Variants in PTPRG observed in about 807,000 individuals in gnomAD.
PTPRG encodes receptor-type tyrosine-protein phosphatase gamma.
In PTPRG, 102 loss-of-function variants were observed where a neutral mutation model predicts 165.3. The ratio of observed to expected loss-of-function variants is 0.62; its 90% CI spans 0.53 to 0.73. The LOEUF (loss-of-function observed/expected upper bound fraction) is 0.73. PTPRG is among the 30% of genes least tolerant of loss of function. The probability of loss-of-function intolerance (pLI) is 0.00; values close to 1 mark genes in which losing one functional copy is unlikely to be tolerated. For missense variants in PTPRG, 1,866 were observed against 1,861.4 expected, an observed-to-expected ratio of 1.00 and a Z score of -0.05; for synonymous variants, 675 against 669.5, an observed-to-expected ratio of 1.01 and a Z score of -0.13.
At chr3:61,736,208 ATT>A (rs527807808) in intron 1 of PTPRG, among the ~76,000 whole-genome samples, 2 of 141,758 alleles carry the variant, frequency 1.4e-5, no homozygotes, top group African/African-American at 2.6e-5. Context: ...GCACCCGGCC[ATT>A]TTTTTTTTTT....
At chr3:61,705,211 T>C (rs2031185316) in intron 1 of PTPRG, among the ~76,000 whole-genome samples, 1 of 152,108 alleles carries the variant, frequency 6.6e-6, no homozygotes, top group Admixed American at 6.5e-5. Context: ...GAGTTGAAAT[T>C]AAGTTAGTGA....
At chr3:62,013,424 G>A (rs1193494180) in intron 4 of PTPRG, among the ~76,000 whole-genome samples, 1 of 151,976 alleles carries the variant, frequency 6.6e-6, no homozygotes, top group Non-Finnish European at 1.5e-5. Flanking sequence ...TTCCAACGGC[G>A]GCAACAAAAA....
chr3:61,843,786 A>G (rs1487903654), intron 2 of PTPRG, among the ~76,000 whole-genome samples: 1 of 151,972 alleles, frequency 6.6e-6, no homozygotes, highest in East Asian at 1.9e-4. Context: ...AGTTGATGTC[A>G]GCACCAGCAG....
chr3:61,740,579 A>G (rs1010201048), intron 1 of PTPRG, among the ~76,000 whole-genome samples: 2 of 151,976 alleles, frequency 1.3e-5, no homozygotes, highest in Non-Finnish European at 2.9e-5. Flanking sequence ...AACTGACACT[A>G]TTTAAGAGTA....
In PTPRG at chr3:62,224,859, C is replaced by T. The variant is rs1474013562; in HGVS notation, c.2288+5876C>T. On this transcript the variant is annotated intron_variant, in intron 13 of 29. Coordinates refer to ENST00000474889, the MANE Select transcript of PTPRG (RefSeq NM_002841.4). This position sits in a 1 kb window ranked among gnomAD's most constrained non-coding sequence, Gnocchi z 4.9. ...CACTATAGTTCTCCCTTGAATGTCC[C>T]TCGCAAAGGTCTGCCTTGAAGAGCT... is the stretch of plus-strand genomic sequence containing the variant. 2.0e-5 allele frequency among the ~76,000 whole-genome samples: 3 copies of T among 152,180 alleles called. No homozygotes were observed. In the East Asian group the frequency reaches 5.8e-4, roughly 29 times the overall value.
intron 4 of PTPRG, among the ~76,000 whole-genome samples, chr3:62,023,784 G>A (rs1202532614): frequency 6.6e-6 from 1 of 152,138 alleles, no homozygotes; most frequent in East Asian, 1.9e-4. Flanking sequence ...GAGCATTAAA[G>A]AAGGTACTAG....
At chr3:61,802,009 A>G (rs2035261335) in intron 2 of PTPRG, among the ~76,000 whole-genome samples, 1 of 145,242 alleles carries the variant, frequency 6.9e-6, no homozygotes, top group Non-Finnish European at 1.5e-5. Flanking sequence ...TGGCCAACAG[A>G]GCAAGACTCC....
At chr3:62,135,820 C>T (rs1211557018) in intron 6 of PTPRG, among the ~76,000 whole-genome samples, 1 of 152,100 alleles carries the variant, frequency 6.6e-6, no homozygotes, top group African/African-American at 2.4e-5. Context: ...TGGCTGAAGG[C>T]AGCTGTAAGG....
chr3:62,175,428 C>A (rs2106757219), intron 8 of PTPRG, among the ~76,000 whole-genome samples: 1 of 152,228 alleles, frequency 6.6e-6, no homozygotes, highest in Non-Finnish European at 1.5e-5. Context: ...CCATCCTGGG[C>A]AACATAGTAA....
At chr3:62,079,947 T>G (rs1286480868) in intron 5 of PTPRG, among the ~76,000 whole-genome samples, 1 of 152,192 alleles carries the variant, frequency 6.6e-6, no homozygotes, top group Non-Finnish European at 1.5e-5. Context: ...GCCCTCCATG[T>G]TTCTGTGGGA....
intron 1 of PTPRG, among the ~76,000 whole-genome samples, chr3:61,745,764 G>A (rs746128395): frequency 4.6e-5 from 7 of 152,168 alleles, no homozygotes; most frequent in Non-Finnish European, 8.8e-5. Flanking sequence ...CATAGGGTTG[G>A]TTGGTTGGTT....
intron 1 of PTPRG, among the ~76,000 whole-genome samples, chr3:61,616,818 A>G (rs9810357): frequency 0.028 from 4,264 of 152,128 alleles, 194 homozygotes; most frequent in African/African-American, 0.095. Flanking sequence ...ACTCTGCCCC[A>G]CCCCAGCTCT....
At chr3:61,988,378 G>C in intron 2 of PTPRG, among the ~76,000 whole-genome samples, 1 of 152,100 alleles carries the variant, frequency 6.6e-6, no homozygotes, top group East Asian at 1.9e-4. Context: ...ACCAGTTTGG[G>C]GGGAATGGGG....
intron 1 of PTPRG, among the ~76,000 whole-genome samples, chr3:61,663,893 C>T (rs1161661882): frequency 6.6e-6 from 1 of 152,148 alleles, no homozygotes; most frequent in Non-Finnish European, 1.5e-5. Context: ...CTCTCTTGCC[C>T]TCCACTCACC....
chr3:62,201,338 C>T lies in PTPRG; in HGVS notation c.1328-167C>T, dbSNP rs145286815. Among the ~76,000 whole-genome samples, 295 of 152,210 alleles carry T rather than the reference C, an allele frequency of 1.9e-3. 1 individual carries two copies. Among genetic ancestry groups the T allele is most frequent in the African/African-American group, 6.4e-3 (265 of 41,522 alleles). On this transcript the variant is annotated intron_variant, in intron 10 of 29. Coordinates refer to ENST00000474889, the MANE Select transcript of PTPRG (RefSeq NM_002841.4). ...GCTCTCCGCATGTTTTTGTAGGACTCGTAAGCCAAGAAGGGCTTTATATTT... is the reference window on the plus strand; with the variant it reads ...GCTCTCCGCATGTTTTTGTAGGACTTGTAAGCCAAGAAGGGCTTTATATTT...
rs570491003 is a variant in PTPRG, at chr3:61,981,564, A to T, written c.191-8061A>T. Among the ~76,000 whole-genome samples the T allele has an allele frequency of 3.0e-3, 456 of 152,288 alleles. 4 individuals carry two copies. Among genetic ancestry groups the T allele is most frequent in the African/African-American group, 0.011 (443 of 41,552 alleles). On this transcript the variant is annotated intron_variant, in intron 2 of 29. Coordinates refer to ENST00000474889, the MANE Select transcript of PTPRG (RefSeq NM_002841.4). ...GTTTAGTGAGTACTTGGTATGTGCC[A>T]ATTACTGTTGGACATGCTGTTGGTG...
At chr3:61,670,144 G>C (rs1013869701) in intron 1 of PTPRG, among the ~76,000 whole-genome samples, 2 of 152,226 alleles carry the variant, frequency 1.3e-5, no homozygotes, top group Non-Finnish European at 2.9e-5. Flanking sequence ...GTTAGGGGCA[G>C]ATAAATGCTG....
At position 61,748,000 on chromosome 3, in the gene PTPRG, G is replaced by A. The variant is rs570541610; in HGVS notation, c.86-878G>A. ...ATCCATGAGGTAGCTGGGAAGAGAG[G>A]GCTTTGAACGCTATAGCAGGCAGAT... On this transcript the variant is annotated intron_variant, in intron 1 of 29. Coordinates refer to ENST00000474889, the MANE Select transcript of PTPRG (RefSeq NM_002841.4). Among the ~76,000 whole-genome samples, 14 of 152,268 alleles carry A rather than the reference G, an allele frequency of 9.2e-5. No homozygotes were observed. In the South Asian group the frequency reaches 2.9e-3, roughly 32 times the overall value.
At chr3:61,661,784 C>G (rs953160711) in intron 1 of PTPRG, among the ~76,000 whole-genome samples, 2 of 151,984 alleles carry the variant, frequency 1.3e-5, no homozygotes, top group Non-Finnish European at 2.9e-5. Context: ...AAAACACCAG[C>G]ACCTACTAGC....
Sources: gnomAD v4.1 joint callset for allele counts (sites outside exome capture counted in the v4.1 genomes callset) on GRCh38, gnomAD v4.1.1 for gene constraint, Gnocchi (gnomAD v3.1) non-coding constraint, MANE v1.5 for transcripts, NCBI Gene and HGNC (gene_info 2026-07-23, HGNC 2026-07-21) for gene names.